FRMD4B: variants seen among roughly 807,000 people sequenced by gnomAD.
The protein encoded by FRMD4B is FERM domain containing 4B.
Under a neutral mutation model 141.5 loss-of-function variants are expected in FRMD4B, and 74 were observed. That is an observed-to-expected ratio of 0.52 (90% CI 0.43 to 0.63). The LOEUF (loss-of-function observed/expected upper bound fraction) is 0.63. FRMD4B is among the 30% of genes least tolerant of loss of function. FRMD4B has a pLI of 0.00. For synonymous variants in FRMD4B, 506 were observed against 467.9 expected, an observed-to-expected ratio of 1.08 and a Z score of -1.05; for missense variants, 1,366 against 1,253.4, an observed-to-expected ratio of 1.09 and a Z score of -1.36.
At chr3:69,425,169 TAAC>T (rs1705055642) in intron 2 of FRMD4B, among the ~76,000 whole-genome samples, 1 of 152,208 alleles carries the variant, frequency 6.6e-6, no homozygotes, top group African/African-American at 2.4e-5. Context: ...GATGCCTTCT[TAAC>T]AATATCCAGT....
intron 1 of FRMD4B, among the ~76,000 whole-genome samples, chr3:69,350,306 T>C (rs1312297808): frequency 6.6e-6 from 1 of 152,100 alleles, no homozygotes. Flanking sequence ...ATGGCGATCA[T>C]TAAAAAGTCA....
chr3:69,228,378 A>G, intron 7 of FRMD4B: 1 of 457,068 alleles, frequency 2.2e-6, no homozygotes, highest in Non-Finnish European at 4.4e-6. Flanking sequence ...TAGAAAATCA[A>G]CTGGGTAAGC....
chr3:69,223,339 C>T (rs2093216298), intron 8 of FRMD4B, among the ~76,000 whole-genome samples: 1 of 152,000 alleles, frequency 6.6e-6, no homozygotes, highest in African/African-American at 2.4e-5. Context: ...CATGGTGAAA[C>T]ACCTTCTCTA....
At chr3:69,227,351 A>G (rs1447729324) in intron 7 of FRMD4B, among the ~76,000 whole-genome samples, 5 of 152,070 alleles carry the variant, frequency 3.3e-5, no homozygotes, top group Non-Finnish European at 7.4e-5. Context: ...TTTTAAGGAG[A>G]GTTTAGAATA....
At chr3:69,269,471 T>G (rs1428898450) in intron 5 of FRMD4B, among the ~76,000 whole-genome samples, 2 of 152,046 alleles carry the variant, frequency 1.3e-5, no homozygotes, top group African/African-American at 2.4e-5. Flanking sequence ...GTGATGGAGC[T>G]GAGATTTAAA....
chr3:69,249,171 A>T, intron 7 of FRMD4B, 55 bp downstream of exon 7: 1 of 1,122,194 alleles, frequency 8.9e-7, no homozygotes, highest in Non-Finnish European at 1.3e-6. Context: ...ATAACCACAT[A>T]AAATGATTCT....
chr3:69,307,740 C>T (rs181701181), intron 3 of FRMD4B, among the ~76,000 whole-genome samples: 1 of 152,146 alleles, frequency 6.6e-6, no homozygotes, highest in East Asian at 1.9e-4. Context: ...TTTCCTGAAG[C>T]CTCCCATGTG....
chr3:69,275,499 G>A (rs1415118999), intron 5 of FRMD4B, among the ~76,000 whole-genome samples: 1 of 150,944 alleles, frequency 6.6e-6, no homozygotes, highest in Non-Finnish European at 1.5e-5. Flanking sequence ...GAATACAGTG[G>A]CACAATCATG....
At chr3:69,341,629 T>G (rs1702740697) in intron 1 of FRMD4B, among the ~76,000 whole-genome samples, 1 of 152,196 alleles carries the variant, frequency 6.6e-6, no homozygotes, top group Non-Finnish European at 1.5e-5. Context: ...TTCTTGGGCA[T>G]TGCTATGGTT....
intron 1 of FRMD4B, among the ~76,000 whole-genome samples, chr3:69,328,722 G>C (rs1158199502): frequency 6.6e-6 from 1 of 152,170 alleles, no homozygotes; most frequent in African/African-American, 2.4e-5. Context: ...GCAATTGCAT[G>C]CTTTAAGACA....
At chr3:69,343,424 C>G in intron 1 of FRMD4B, among the ~76,000 whole-genome samples, 1 of 152,050 alleles carries the variant, frequency 6.6e-6, no homozygotes. Context: ...AACCTTTAAC[C>G]ACGGACTCCT....
intron 1 of FRMD4B, among the ~76,000 whole-genome samples, chr3:69,354,928 G>A (rs1843048): frequency 0.032 from 4,846 of 152,052 alleles, 265 homozygotes; most frequent in African/African-American, 0.11. Context: ...AATTATTTGT[G>A]AGCACGTGAC....
chr3:69,299,106 T>G (rs1406110423), intron 4 of FRMD4B, among the ~76,000 whole-genome samples: 1 of 152,048 alleles, frequency 6.6e-6, no homozygotes, highest in Non-Finnish European at 1.5e-5. Context: ...CACTATCGGG[T>G]CCTCAGACCT....
At chr3:69,434,019 G>A (rs1285270884) in intron 1 of FRMD4B, among the ~76,000 whole-genome samples, 3 of 152,208 alleles carry the variant, frequency 2.0e-5, no homozygotes, top group Admixed American at 2.0e-4. Flanking sequence ...GAATGACTCA[G>A]TACATTTTCT....
intron 1 of FRMD4B, among the ~76,000 whole-genome samples, chr3:69,485,392 T>TG (rs899559029): frequency 6.6e-5 from 10 of 152,188 alleles, no homozygotes; most frequent in African/African-American, 2.4e-4. Flanking sequence ...TGCACCAGGG[T>TG]GGGGGGCTCC....
chr3:69,288,474 C>CCA (rs1188509971), intron 4 of FRMD4B, among the ~76,000 whole-genome samples: 1 of 152,214 alleles, frequency 6.6e-6, no homozygotes, highest in Non-Finnish European at 1.5e-5. Context: ...CCTCACTGCC[C>CCA]CACTCCCTTT....
chr3:69,467,041 G>A (rs894867583), intron 1 of FRMD4B, among the ~76,000 whole-genome samples: 5 of 151,946 alleles, frequency 3.3e-5, no homozygotes, highest in African/African-American at 9.7e-5. Context: ...TAGAATCCCC[G>A]CCTTCTAGGC....
chr3:69,499,656 C>T (rs1706459966), intron 1 of FRMD4B, among the ~76,000 whole-genome samples: 1 of 152,048 alleles, frequency 6.6e-6, no homozygotes, highest in African/African-American at 2.4e-5. Context: ...TACTGAAGTG[C>T]TATCTTATTA....
chr3:69,357,002 G>A (rs889432089), intron 1 of FRMD4B, among the ~76,000 whole-genome samples: 2 of 152,164 alleles, frequency 1.3e-5, no homozygotes, highest in African/African-American at 4.8e-5. Context: ...GTCAGTTTGT[G>A]TGAGAAAGGA....
Sources: gnomAD v4.1 joint callset for allele counts (sites outside exome capture counted in the v4.1 genomes callset) on GRCh38, gnomAD v4.1.1 for gene constraint, MANE v1.5 for transcripts, NCBI Gene and HGNC (gene_info 2026-07-23, HGNC 2026-07-21) for gene names.